Variants in LRP1B observed in about 807,000 individuals in gnomAD.
The protein encoded by LRP1B is low-density lipoprotein receptor-related protein 1B.
Under a neutral mutation model 556.6 loss-of-function variants are expected in LRP1B, and 217 were observed. That is an observed-to-expected ratio of 0.39 (90% CI 0.35 to 0.44). The LOEUF is 0.44. Ranked by LOEUF, LRP1B falls within the 20% of genes least tolerant of loss-of-function variation. The pLI is 1.00. For synonymous variants in LRP1B, 2,047 were observed against 1,865.8 expected (o/e 1.10, Z -2.50); for missense variants, 5,053 against 5,620.8 (o/e 0.90, Z 3.23).
At chr2:141,893,710 G>T (rs538398618) in intron 1 of LRP1B, among the ~76,000 whole-genome samples, 143 of 152,170 alleles carry the variant, frequency 9.4e-4, no homozygotes, top group African/African-American at 3.3e-3. Flanking sequence ...GATGGTTGGT[G>T]CTAAAACTAC....
chr2:141,880,630 T>C (rs544402162), intron 1 of LRP1B, among the ~76,000 whole-genome samples: 11 of 152,006 alleles, frequency 7.2e-5, no homozygotes, highest in Non-Finnish European at 1.3e-4. Context: ...TCAATATTGG[T>C]GCTTTTAAAT....
intron 47 of LRP1B, among the ~76,000 whole-genome samples, chr2:140,531,643 C>T (rs1245829192): frequency 1.3e-5 from 2 of 152,090 alleles, no homozygotes; most frequent in African/African-American, 4.8e-5. Flanking sequence ...CTTTCCTTTA[C>T]ATCAATCTTT....
intron 1 of LRP1B, among the ~76,000 whole-genome samples, chr2:141,895,829 T>A (rs1298830834): frequency 2.6e-5 from 4 of 152,212 alleles, no homozygotes; most frequent in Non-Finnish European, 4.4e-5. Flanking sequence ...TTGGTTTTTT[T>A]CTTTCTTTCC....
At chr2:140,766,576 T>C (rs1421550847) in intron 35 of LRP1B, among the ~76,000 whole-genome samples, 1 of 151,570 alleles carries the variant, frequency 6.6e-6, no homozygotes, top group Non-Finnish European at 1.5e-5. Flanking sequence ...TTTAATATTA[T>C]AAATAGTTAC....
chr2:141,500,339 C>G (rs1055668386), intron 2 of LRP1B, among the ~76,000 whole-genome samples: 3 of 152,110 alleles, frequency 2.0e-5, no homozygotes, highest in African/African-American at 7.2e-5. Flanking sequence ...CTACTTTGGA[C>G]TTTCACTTCT....
chr2:140,272,006 T>C (rs568112599), intron 85 of LRP1B, among the ~76,000 whole-genome samples: 1 of 152,062 alleles, frequency 6.6e-6, no homozygotes, highest in East Asian at 1.9e-4. Flanking sequence ...TTATCAAATC[T>C]CATCATCTAA....
At chr2:140,982,105 AG>A (rs1460380200) in intron 18 of LRP1B, 54 bp downstream of exon 18, 1 of 1,347,262 alleles carries the variant, frequency 7.4e-7, no homozygotes, top group Non-Finnish European at 1.1e-6. Flanking sequence ...GTGTAGTGGT[AG>A]GGTATCCTAT....
chr2:141,566,441 A>G (rs1048563387), intron 2 of LRP1B, among the ~76,000 whole-genome samples: 2 of 152,102 alleles, frequency 1.3e-5, no homozygotes, highest in Non-Finnish European at 2.9e-5. Context: ...ATTAATAAGA[A>G]TTGTATAATT....
rs370940762 is a variant in LRP1B at position 140,450,521 on chromosome 2, A to G, written c.10057+47T>C. On this transcript the variant is annotated intron_variant, in intron 63 of 90. Transcript: ENST00000389484. The stretch of plus-strand genomic sequence containing the variant: ...AGATTCAATTTTCCAGGTCTGGGAT[A>G]TAAGGAACTCTAAATTCTAAATTTC... The G allele has an allele frequency of 4.4e-5, 61 of 1,397,660 alleles. No individual in the cohort carries two copies. The African/African-American group carries it at 8.0e-4, about 18-fold the overall frequency. The allele number at this position is 1,397,660 out of a possible 1,614,324, so 86.6% of individuals were successfully genotyped here.
intron 87 of LRP1B, among the ~76,000 whole-genome samples, chr2:140,241,159 C>G (rs1355989601): frequency 6.6e-6 from 1 of 150,758 alleles, no homozygotes. Flanking sequence ...ATATTACCTC[C>G]TTTGTTTTGG....
chr2:140,296,499 A>T (rs1683609817), intron 84 of LRP1B, among the ~76,000 whole-genome samples: 1 of 152,146 alleles, frequency 6.6e-6, no homozygotes, highest in Non-Finnish European at 1.5e-5. Flanking sequence ...GAATTCAGAA[A>T]ATAGGTTAAG....
At chr2:141,222,737 T>A (rs1013951090) in intron 6 of LRP1B, among the ~76,000 whole-genome samples, 1 of 152,064 alleles carries the variant, frequency 6.6e-6, no homozygotes, top group Non-Finnish European at 1.5e-5. Context: ...GTTGAACATA[T>A]GCAAATCAAT....
At chr2:140,860,975 C>CATCTATCTATCTATCT (rs35339728) in intron 27 of LRP1B, among the ~76,000 whole-genome samples, 15 of 145,970 alleles carry the variant, frequency 1.0e-4, no homozygotes, top group Non-Finnish European at 1.0e-4. Context: ...GAGAATTGTG[C>CATCTATCTATCTATCT]ATCTATCTAT....
intron 41 of LRP1B, among the ~76,000 whole-genome samples, chr2:140,645,453 C>T (rs1045452074): frequency 4.6e-5 from 7 of 151,508 alleles, no homozygotes; most frequent in African/African-American, 1.7e-4. Flanking sequence ...TATTCAATTG[C>T]CCTTCTACTG....
chr2:141,247,416 T>G, intron 4 of LRP1B, 62 bp from the exon 5 acceptor site: 2 of 1,575,372 alleles, frequency 1.3e-6, no homozygotes, highest in Non-Finnish European at 1.7e-6. Flanking sequence ...TTTTTCTCCT[T>G]GAAGAAAATA....
intron 18 of LRP1B, among the ~76,000 whole-genome samples, chr2:140,968,503 G>A (rs1201931031): frequency 1.0e-5 from 1 of 97,670 alleles, no homozygotes; most frequent in East Asian, 2.2e-4. Flanking sequence ...ATTTTTTGCA[G>A]TTTTTTTTTT....
chr2:141,047,761 A>G (rs1377046810), intron 11 of LRP1B, among the ~76,000 whole-genome samples: 2 of 152,056 alleles, frequency 1.3e-5, no homozygotes, highest in African/African-American at 2.4e-5. Context: ...CTTTCCATTT[A>G]GGTCCCCCAC....
chr2:141,691,010 T>C (rs754722842), intron 2 of LRP1B, among the ~76,000 whole-genome samples: 2 of 151,812 alleles, frequency 1.3e-5, no homozygotes, highest in Admixed American at 1.3e-4. Context: ...AAGCCAACAA[T>C]TTATTGATGT....
Position 140,244,125 on chromosome 2 carries a change from C to T in LRP1B, c.13324+2961G>A, listed in dbSNP as rs570261806. ...CTGGGATCTAGTGCAGTACTTGACA[C>T]TTAGCAGAGACTTGATAAACCTTTG... On this transcript the variant is annotated intron_variant, in intron 87 of 90. Coordinates refer to ENST00000389484, the MANE Select transcript of LRP1B (RefSeq NM_018557.3). 1.9e-4 allele frequency among the ~76,000 whole-genome samples: 29 copies of T among 151,352 alleles called. 1 individual carries two copies. The South Asian group carries it at 6.0e-3, about 31-fold the overall frequency.
Sources: allele counts gnomAD v4.1 joint callset (sites outside exome capture counted in the v4.1 genomes callset), GRCh38; gene constraint gnomAD v4.1.1; transcripts MANE v1.5; gene names NCBI Gene and HGNC (gene_info 2026-07-23, HGNC 2026-07-21).